Variants in COL6A5 observed in about 807,000 individuals in gnomAD.
COL6A5 encodes collagen alpha-5(VI) chain.
Under a neutral mutation model 65.6 loss-of-function variants are expected in COL6A5, and 48 were observed. The ratio of observed to expected loss-of-function variants is 0.73; its 90% CI spans 0.58 to 0.93. The LOEUF (loss-of-function observed/expected upper bound fraction) is 0.93, where lower values mean the gene tolerates loss of function less well. COL6A5 is among the 40% of genes least tolerant of loss of function. COL6A5 has a pLI of 0.00. For missense variants in COL6A5, 914 were observed against 928.3 expected, an observed-to-expected ratio of 0.98 and a Z score of 0.20; for synonymous variants, 291 against 322.8, an observed-to-expected ratio of 0.90 and a Z score of 1.05.
intron 10 of COL6A5, 94 bp downstream of exon 10, chr3:130,398,205 A>G (rs1936684580): frequency 2.5e-6 from 2 of 805,276 alleles, no homozygotes; most frequent in African/African-American, 3.8e-5. Context: ...ATCTCAGCTC[A>G]CTGCAAGCTC....
intron 5 of COL6A5, among the ~76,000 whole-genome samples, chr3:130,467,628 G>GATAATATTAAATGA (rs1709848361): frequency 6.6e-6 from 1 of 152,004 alleles, no homozygotes; most frequent in Non-Finnish European, 1.5e-5. Flanking sequence ...TATACTGGAA[G>GATAATATTAAATGA]GCAGGGCTCA....
intron 11 of COL6A5, among the ~76,000 whole-genome samples, chr3:130,401,395 A>G (rs1936812534): frequency 6.6e-6 from 1 of 152,304 alleles, no homozygotes; most frequent in South Asian, 2.1e-4. Flanking sequence ...TAACTAAAAA[A>G]CCAACCAACT....
chr3:130,457,787 G>C (rs1461297884), intron 5 of COL6A5, among the ~76,000 whole-genome samples: 3 of 152,094 alleles, frequency 2.0e-5, no homozygotes, highest in Non-Finnish European at 4.4e-5. Flanking sequence ...AAACTGCTGA[G>C]TTTTCTGTAT....
At chr3:130,413,428 T>C (rs558262537) in intron 20 of COL6A5, 117 bp from the exon 21 acceptor site, 36 of 938,906 alleles carry the variant, frequency 3.8e-5, no homozygotes, top group Admixed American at 3.5e-4. Context: ...TCAGGGAAAC[T>C]GTTTCTGTGA....
intron 8 of COL6A5, among the ~76,000 whole-genome samples, chr3:130,396,383 C>T (rs924715314): frequency 6.6e-6 from 1 of 152,164 alleles, no homozygotes; most frequent in Admixed American, 6.5e-5. Flanking sequence ...AGGCAGATTA[C>T]AGTGGTGGAA....
intron 5 of COL6A5, among the ~76,000 whole-genome samples, chr3:130,462,713 G>C (rs911613532): frequency 2.6e-5 from 4 of 152,076 alleles, no homozygotes; most frequent in African/African-American, 9.7e-5. Context: ...TGCCTAAGAA[G>C]AGAAAAATTA....
chr3:130,360,006 A>G (rs952443837), intron 1 of COL6A5, among the ~76,000 whole-genome samples: 4 of 152,108 alleles, frequency 2.6e-5, no homozygotes, highest in African/African-American at 9.7e-5. Flanking sequence ...GGGAATGACA[A>G]CTACATCAGC....
At position 130,445,203 on chromosome 3, in the gene COL6A5, A is replaced by G. The variant is rs562741789; in HGVS notation, c.1332+1637A>G. Among the ~76,000 whole-genome samples the G allele has an allele frequency of 2.6e-5, 4 of 152,344 alleles. No individual in the cohort carries two copies. The East Asian group carries it at 7.7e-4, about 29-fold the overall frequency. On this transcript the variant is annotated intron_variant, in intron 4 of 7. Coordinates refer to ENST00000512836, the Ensembl canonical transcript of COL6A5. ...AATTAGGCCCATGATAACAGCAATT[A>G]AAGTGAAAACAAATCTTAGATCTTT...
chr3:130,469,020 T>C (rs1160768162), exon 6 of COL6A5: 9 of 1,612,784 alleles, frequency 5.6e-6, no homozygotes, highest in Non-Finnish European at 7.6e-6. Flanking sequence ...GTTGCTGTCC[T>C]GAGCTACTCT....
At chr3:130,389,403 T>A (rs1446479664) in intron 6 of COL6A5, among the ~76,000 whole-genome samples, 3 of 152,152 alleles carry the variant, frequency 2.0e-5, no homozygotes, top group African/African-American at 7.2e-5. Flanking sequence ...CTTACAAATC[T>A]TTAATACCCA....
intron 5 of COL6A5, among the ~76,000 whole-genome samples, chr3:130,461,851 C>G (rs1038917358): frequency 2.0e-5 from 3 of 151,790 alleles, no homozygotes; most frequent in African/African-American, 7.2e-5. Context: ...AAGCCATATC[C>G]GAGGTCATTT....
intron 2 of COL6A5, 27 bp downstream of exon 34, chr3:130,439,642 T>G (rs1325865538): frequency 6.8e-7 from 1 of 1,481,126 alleles, no homozygotes; most frequent in South Asian, 1.2e-5. Flanking sequence ...GAATTGACTG[T>G]GCTGAAGAGC....
exon 4 of COL6A5, chr3:130,380,004 G>T (rs1250268997): frequency 1.9e-6 from 3 of 1,549,276 alleles, no homozygotes; most frequent in East Asian, 2.4e-5. Context: ...ATGAAATATG[G>T]TCCCAAATTT....
At chr3:130,408,549 C>T (rs1217883430) in intron 17 of COL6A5, among the ~76,000 whole-genome samples, 3 of 152,174 alleles carry the variant, frequency 2.0e-5, no homozygotes, top group Admixed American at 2.0e-4. Flanking sequence ...TGTGATCTCA[C>T]TCTGTCTCTC....
At chr3:130,428,464 C>A (rs1937657313), upstream of COL6A5, among the ~76,000 whole-genome samples, 1 of 152,086 alleles carries the variant, frequency 6.6e-6, no homozygotes, top group African/African-American at 2.4e-5. Context: ...GAGAATAAAA[C>A]AGAAGGGCCC....
intron 7 of COL6A5, 107 bp downstream of exon 39, chr3:130,471,074 T>G (rs902117919): frequency 1.6e-4 from 90 of 553,470 alleles, no homozygotes; most frequent in East Asian, 1.1e-3. Context: ...GTGTGTGTTT[T>G]TGTGTGTGTG....
upstream of COL6A5, among the ~76,000 whole-genome samples, chr3:130,426,957 A>G (rs1393755849): frequency 6.6e-6 from 1 of 152,232 alleles, no homozygotes; most frequent in African/African-American, 2.4e-5. Context: ...AATTTGTCCC[A>G]AGGAAATACA....
rs1359318832 is a variant in COL6A5, at chr3:130,395,124, C to T, written c.3227C>T (p.Ser1076Phe). ...TGGAAGACTCAAATTCAGAATGTCT[C>T]CAAGAGCGGTGGATTTCCAAGAATT... The change falls in exon 8 of 42, where the codon TCC (serine) becomes TTC (phenylalanine). Residue 1076 changes from serine (S) to phenylalanine (F), a missense_variant and NMD_transcript_variant. Transcript: ENST00000312481. 9 of 1,551,546 alleles carry T rather than the reference C, an allele frequency of 5.8e-6. No homozygotes were observed. The East Asian group carries it at 1.7e-4, about 29-fold the overall frequency.
chr3:130,377,326 G>T (rs1935823421), intron 3 of COL6A5, among the ~76,000 whole-genome samples: 1 of 152,168 alleles, frequency 6.6e-6, no homozygotes, highest in African/African-American at 2.4e-5. Context: ...ATTTCTCAAT[G>T]AATTAATACG....
Sources: allele counts gnomAD v4.1 joint callset (sites outside exome capture counted in the v4.1 genomes callset), GRCh38; gene constraint gnomAD v4.1.1; transcripts MANE v1.5; gene names NCBI Gene and HGNC (gene_info 2026-07-23, HGNC 2026-07-21).